The following SMG1 variants were observed in gnomAD, a reference collection of about 807,000 sequenced individuals.
SMG1 encodes SMG1 nonsense mediated mRNA decay associated PI3K related kinase, also known as serine/threonine-protein kinase SMG1.
SMG1 carries 22 observed loss-of-function variants against 419.9 expected under a neutral mutation model. The observed-to-expected ratio is 0.05, with a 90% confidence interval of 0.04 to 0.07. SMG1 has a LOEUF of 0.07. Among genes scored for constraint, SMG1 ranks in the 10% least tolerant of loss-of-function variants. SMG1 has a pLI of 1.00. For synonymous variants in SMG1, 1,538 were observed against 1,553.5 expected (o/e 0.99, Z 0.23); for missense variants, 3,185 against 4,342.0 (o/e 0.73, Z 7.49).
Position 18,879,289 on chromosome 16 carries a change from A to G in SMG1, c.1518+206T>C, listed in dbSNP as rs929115859. 7.3e-6 allele frequency: 4 copies of G among 550,290 alleles called. No individual in the cohort carries two copies. The African/African-American group carries it at 7.6e-5, about 10-fold the overall frequency. 34.1% of individuals were successfully genotyped at this position (550,290 alleles called of 1,614,324 possible). Reference sequence around the variant, plus strand: ...CGCCACTACACCAAGCTAATTTTTGACTTTTTGTACAGATGGGGTCTCACT... The same window carrying G: ...CGCCACTACACCAAGCTAATTTTTGGCTTTTTGTACAGATGGGGTCTCACT... On this transcript the variant is annotated intron_variant, in intron 11 of 62. Transcript: ENST00000446231.
chr16:18,819,791 A>T, intron 55 of SMG1, 137 bp from the exon 56 acceptor site: 1 of 868,980 alleles, frequency 1.2e-6, no homozygotes, highest in Middle Eastern at 2.9e-4. Flanking sequence ...AAGTTTTAAC[A>T]ATCACCTTTT....
At chr16:18,890,464 T>C (rs2036826857) in intron 5 of SMG1, among the ~76,000 whole-genome samples, 1 of 152,050 alleles carries the variant, frequency 6.6e-6, no homozygotes, top group Non-Finnish European at 1.5e-5. Flanking sequence ...ATGGTGAAAC[T>C]GCAAGCTCCG....
At chr16:18,925,150 A>G (rs1054143422) in intron 1 of SMG1, 1 of 152,204 alleles carries the variant, frequency 6.6e-6, no homozygotes, top group African/African-American at 2.4e-5. Context: ...CCTCCCATTG[A>G]TCAAAAAGAC....
intron 50 of SMG1, 40 bp downstream of exon 50, chr16:18,834,160 TTCAG>T: frequency 7.3e-7 from 1 of 1,377,180 alleles, no homozygotes; most frequent in South Asian, 1.3e-5. Context: ...AAAGACAATA[TTCAG>T]TATCTAAAAC....
Position 18,829,302 on chromosome 16 carries a change from T to A in SMG1, c.9587A>T (p.His3196Leu). ...AACACTTACCTGAAACATGGCAATA[T>A]GCAGCTGAACCCGCTGCAGGCTTGT... ...CKTSLQRVQLHIAMFQWQHED... is the reference protein window; with the variant it reads ...CKTSLQRVQLLIAMFQWQHED... Residue 3196 changes from histidine (H) to leucine (L), a missense_variant, in exon 54 of 63, where the codon CAT (histidine) becomes CTT (leucine). By Grantham distance (99) the His-to-Leu change is moderately conservative. This residue lies in a region of SMG1 where 737 missense variants were observed against 846.6 expected (regional missense o/e 0.87). Transcript: ENST00000446231. 1 of 1,612,326 alleles carries A rather than the reference T, an allele frequency of 6.2e-7. No homozygotes were observed. Among genetic ancestry groups the A allele is most frequent in the Non-Finnish European group, 8.5e-7 (1 of 1,178,520 alleles).
At position 18,829,958 on chromosome 16, in the gene SMG1, C is replaced by A; in HGVS notation, c.9101G>T (p.Arg3034Met). 6.4e-7 allele frequency: 1 copy of A among 1,573,066 alleles called. No individual in the cohort carries two copies. Reference protein sequence around the residue: ...KRLQTIKEFFRLCGTFSKTLS... With the variant: ...KRLQTIKEFFMLCGTFSKTLS... ...TGTTTTAGAAAAGGTACCACAGAGC[C>A]TGAAGAACTCCTTAATAGTCTGTAG... The change falls in exon 53 of 63, where the codon AGG becomes ATG. Residue 3034 changes from arginine (R) to methionine (M), a missense_variant. Around this residue, in one of 27 missense-constraint regions of SMG1, gnomAD observed 737 missense variants for 846.6 expected, o/e 0.87. Coordinates refer to ENST00000446231, the MANE Select transcript of SMG1 (RefSeq NM_015092.5).
At chr16:18,883,310 C>G (rs1260302276) in intron 9 of SMG1, among the ~76,000 whole-genome samples, 4 of 152,212 alleles carry the variant, frequency 2.6e-5, no homozygotes, top group Admixed American at 1.3e-4. Context: ...AGCTCCTATG[C>G]TATATTCGTA....
intron 1 of SMG1, 34 bp downstream of exon 1, chr16:18,925,916 G>T (rs769926450): frequency 6.8e-7 from 1 of 1,478,614 alleles, no homozygotes; most frequent in South Asian, 1.2e-5. Flanking sequence ...CGGAGCCCGG[G>T]AGGTCGGGGC....
At chr16:18,925,919 G>C (rs1476367187) in intron 1 of SMG1, 31 bp downstream of exon 1, 2 of 1,491,906 alleles carry the variant, frequency 1.3e-6, no homozygotes, top group Admixed American at 2.1e-5. Context: ...AGCCCGGGAG[G>C]TCGGGGCGGG....
At position 18,884,124 on chromosome 16, in the gene SMG1, T is replaced by C. The variant is rs142897165; in HGVS notation, c.1065A>G (p.Ala355=). 1.9e-6 allele frequency: 3 copies of C among 1,607,086 alleles called. No homozygotes were observed. In the African/African-American group the frequency reaches 4.0e-5, roughly 22 times the overall value. Residue 355 remains alanine, a synonymous_variant, in exon 9 of 63, where the codon GCA becomes GCG. Coordinates refer to ENST00000446231, the MANE Select transcript of SMG1 (RefSeq NM_015092.5). The part of the protein sequence containing the change: ...SLEPFWVADL[A]FSTTLLGQFL... Reference sequence around the variant, plus strand: ...ACTGACCAAGAAGAGTAGTAGAAAATGCAAGATCAGCTACCCAAAATGGCT... The same window carrying C: ...ACTGACCAAGAAGAGTAGTAGAAAACGCAAGATCAGCTACCCAAAATGGCT...
chr16:18,853,510 C>T (rs1264348674), intron 31 of SMG1, 73 bp downstream of exon 31: 1 of 1,269,214 alleles, frequency 7.9e-7, no homozygotes, highest in Non-Finnish European at 1.1e-6. Context: ...GCCAGCATAA[C>T]ATTATAAACT....
At chr16:18,925,717 G>A (rs1323806301) in intron 1 of SMG1, 4 of 339,804 alleles carry the variant, frequency 1.2e-5, no homozygotes, top group Non-Finnish European at 1.6e-5. Flanking sequence ...ACCGCCGGGA[G>A]CCCCGGGTCT....
rs1368993627 is a variant in SMG1, at chr16:18,854,820, A to T, written c.4319T>A (p.Leu1440His). The change falls in exon 30 of 63, where the codon CTT (leucine) becomes CAT (histidine). Residue 1440 changes from leucine (L) to histidine (H), a missense_variant. Leu to His is a moderately conservative substitution (Grantham distance 99). Transcript: ENST00000446231. ...KFARKRGNVS[L>H]ATRLLAQCSE... ...GCACTGTGCCAGCAGTCTTGTTGCAAGGGACACATTCCCTCGTTTTCTAGC... is the reference window on the plus strand; with the variant it reads ...GCACTGTGCCAGCAGTCTTGTTGCATGGGACACATTCCCTCGTTTTCTAGC... 1 of 1,614,006 alleles carries T rather than the reference A, an allele frequency of 6.2e-7. No individual in the cohort carries two copies. Among genetic ancestry groups the T allele is most frequent in the African/African-American group, 1.3e-5 (1 of 75,052 alleles).
At chr16:18,873,771 G>A (rs2035954254) in intron 13 of SMG1, among the ~76,000 whole-genome samples, 1 of 152,036 alleles carries the variant, frequency 6.6e-6, no homozygotes, top group Non-Finnish European at 1.5e-5. Context: ...TGTTCAATAA[G>A]GAAACAAAGG....
Position 18,869,271 on chromosome 16 carries a change from C to A in SMG1, c.2666G>T (p.Ser889Ile). The change falls in exon 20 of 63, where the codon AGC (serine) becomes ATC (isoleucine). Residue 889 changes from serine to isoleucine, a missense_variant. Physicochemically the swap from Ser to Ile is moderately radical, Grantham distance 142. Transcript: ENST00000446231. ...KDNWLERLFYSCQRLDKRDQS... is the reference protein window; with the variant it reads ...KDNWLERLFYICQRLDKRDQS... ...GTCACGCTTATCCAGTCTCTGGCAG[C>A]TATAGAACAGTCTTTCCAACCAATT... The A allele has an allele frequency of 6.2e-7, 1 of 1,611,256 alleles. No individual in the cohort carries two copies. Among genetic ancestry groups the A allele is most frequent in the Non-Finnish European group, 8.5e-7 (1 of 1,179,448 alleles).
intron 1 of SMG1, chr16:18,911,699 C>G (rs2037799310): frequency 1.3e-5 from 2 of 152,120 alleles, no homozygotes; most frequent in Non-Finnish European, 2.9e-5. Flanking sequence ...TACAAAAGAT[C>G]TTTGTCTTCC....
chr16:18,847,955 C>T lies in SMG1; in HGVS notation c.5702G>A (p.Gly1901Glu). 6.2e-7 allele frequency: 1 copy of T among 1,614,004 alleles called. No homozygotes were observed. The highest frequency in any genetic ancestry group is 8.5e-7 in the Non-Finnish European group (1 of 1,179,878). Residue 1901 changes from glycine (G) to glutamate (E), a missense_variant, in exon 37 of 63, where the codon GGA becomes GAA. This residue lies in a region of SMG1 where 130 missense variants were observed against 162.0 expected (regional missense o/e 0.80). Coordinates refer to ENST00000446231, the MANE Select transcript of SMG1 (RefSeq NM_015092.5). ...GEELLVSECE[G>E]GSPPASQDSN... ...ATCCTGAGATGCAGGAGGACTTCCT[C>T]CCTCACATTCAGAAACCAGCAATTC...
rs374467817 is a variant in SMG1, at chr16:18,871,366, T to A, written c.2300A>T (p.Asn767Ile). Reference sequence around the variant, plus strand: ...AAAAAAAAAAAACAGAGTCTTACTGTTGGCTAAAAGGCCTTTGCAAAATTT... The same window carrying A: ...AAAAAAAAAAAACAGAGTCTTACTGATGGCTAAAAGGCCTTTGCAAAATTT... The part of the protein sequence containing the change: ...FHKFCKGLLA[N>I]TLVEDVNICL... The change falls in exon 16 of 63, where the codon AAC (asparagine) becomes ATC (isoleucine). Residue 767 changes from asparagine to isoleucine, a missense_variant and splice_region_variant. Around this residue, in one of 27 missense-constraint regions of SMG1, gnomAD observed 297 missense variants for 491.0 expected, o/e 0.60. Transcript: ENST00000446231. 7.7e-5 allele frequency: 115 copies of A among 1,497,926 alleles called. No individual in the cohort carries two copies. Among genetic ancestry groups the A allele is most frequent in the Non-Finnish European group, 1.0e-4 (112 of 1,101,790 alleles). 92.8% of individuals were successfully genotyped at this position (1,497,926 alleles called of 1,614,324 possible). A position where few individuals can be genotyped will look rare whatever the true frequency, so the allele number is the denominator to read the frequency against.
intron 46 of SMG1, 63 bp from the exon 47 acceptor site, chr16:18,836,595 T>A: frequency 1.3e-6 from 2 of 1,528,882 alleles, no homozygotes; most frequent in Non-Finnish European, 9.0e-7. Flanking sequence ...CATACTTTCC[T>A]ACCCTGGAAT....
Sources: gnomAD v4.1 joint callset for allele counts (sites outside exome capture counted in the v4.1 genomes callset) on GRCh38, gnomAD v4.1.1 for gene constraint, gnomAD v4.1.1 regional missense constraint, MANE v1.5 for transcripts, NCBI Gene and HGNC (gene_info 2026-07-23, HGNC 2026-07-21) for gene names.